The following LINGO2 variants were observed in gnomAD, a reference collection of about 807,000 sequenced individuals.
LINGO2 encodes leucine-rich repeat and immunoglobulin-like domain-containing nogo receptor-interacting protein 2.
A neutral mutation model predicts 30.6 loss-of-function variants in LINGO2; 14 were observed. The observed-to-expected ratio is 0.46, with a 90% CI of 0.30 to 0.72. The LOEUF (loss-of-function observed/expected upper bound fraction) is 0.72. LINGO2 is among the 30% of genes least tolerant of loss of function. The pLI is 0.07. For synonymous variants in LINGO2, 317 were observed against 288.5 expected, an observed-to-expected ratio of 1.10 and a Z score of -1.00; for missense variants, 729 against 751.7, an observed-to-expected ratio of 0.97 and a Z score of 0.35.
intron 4 of LINGO2, among the ~76,000 whole-genome samples, chr9:28,097,849 AAAAAT>A (rs910832400): frequency 1.5e-5 from 2 of 130,354 alleles, no homozygotes; most frequent in African/African-American, 5.8e-5. Flanking sequence ...AATGAAATAA[AAAAAT>A]AAAAGATACA....
chr9:28,287,507 C>A (rs78323743), intron 4 of LINGO2, among the ~76,000 whole-genome samples: 2 of 152,082 alleles, frequency 1.3e-5, no homozygotes, highest in African/African-American at 2.4e-5. Context: ...ATACATTCAG[C>A]AGAATTACTT....
At chr9:28,996,169 G>C in the LINGO2 span, among the ~76,000 whole-genome samples, 5 of 150,924 alleles carry the variant, frequency 3.3e-5, no homozygotes, top group Non-Finnish European at 7.4e-5. Flanking sequence ...CAAACTGTTC[G>C]GCCATCTAAG....
At chr9:28,107,857 A>G (rs1300689357) in intron 4 of LINGO2, among the ~76,000 whole-genome samples, 1 of 152,132 alleles carries the variant, frequency 6.6e-6, no homozygotes, top group East Asian at 1.9e-4. Context: ...GTAAGTCATC[A>G]AAGTCTAAAA....
At chr9:28,955,273 A>T in the LINGO2 span, among the ~76,000 whole-genome samples, 1 of 152,154 alleles carries the variant, frequency 6.6e-6, no homozygotes, top group South Asian at 2.1e-4. Flanking sequence ...AAGGAGACAG[A>T]GAATAAGTAT....
At chr9:29,212,314 T>G in the LINGO2 span, among the ~76,000 whole-genome samples, 1 of 151,770 alleles carries the variant, frequency 6.6e-6, no homozygotes, top group East Asian at 2.0e-4. Flanking sequence ...CGCCGCCTCC[T>G]GGCGCCCCCA....
chr9:28,494,407 C>A (rs1819508138), intron 1 of LINGO2, among the ~76,000 whole-genome samples: 3 of 152,044 alleles, frequency 2.0e-5, no homozygotes, highest in Admixed American at 6.5e-5. Flanking sequence ...GTGATGTTCC[C>A]CTTCCTGTGT....
the LINGO2 span, among the ~76,000 whole-genome samples, chr9:28,795,992 A>G: frequency 1.4e-5 from 2 of 141,522 alleles, no homozygotes. Flanking sequence ...ATACACACAC[A>G]CACACACACA....
At chr9:28,571,845 T>C (rs753152621) in intron 1 of LINGO2, among the ~76,000 whole-genome samples, 4 of 152,036 alleles carry the variant, frequency 2.6e-5, no homozygotes, top group Non-Finnish European at 4.4e-5. Flanking sequence ...ACCAGAAAAT[T>C]AGCTATTACT....
the LINGO2 span, among the ~76,000 whole-genome samples, chr9:29,090,190 A>C: frequency 6.6e-6 from 1 of 152,164 alleles, no homozygotes; most frequent in East Asian, 1.9e-4. Context: ...CCCTGCTTGC[A>C]TGCATCACAA....
intron 4 of LINGO2, among the ~76,000 whole-genome samples, chr9:28,227,785 T>G (rs998779336): frequency 6.6e-6 from 1 of 152,062 alleles, no homozygotes; most frequent in Non-Finnish European, 1.5e-5. Context: ...GTGAGCAATA[T>G]GAATGCCTAG....
chr9:28,993,504 T>A, the LINGO2 span, among the ~76,000 whole-genome samples: 3 of 152,078 alleles, frequency 2.0e-5, no homozygotes, highest in Non-Finnish European at 2.9e-5. Context: ...GAATCCTCCC[T>A]AACTCATTTT....
intron 1 of LINGO2, among the ~76,000 whole-genome samples, chr9:28,486,644 C>T (rs1348532559): frequency 6.6e-6 from 1 of 151,950 alleles, no homozygotes; most frequent in East Asian, 1.9e-4. Context: ...GTACAGGAGA[C>T]ATCTAGTTCT....
rs568267461 is a variant in LINGO2 at position 28,345,778 on chromosome 9, G to A, written c.-246+27058C>T. Among the ~76,000 whole-genome samples the A allele has an allele frequency of 5.3e-5, 8 of 152,262 alleles. No individual in the cohort carries two copies. The South Asian group carries it at 1.7e-3, about 32-fold the overall frequency. The stretch of plus-strand genomic sequence containing the variant: ...ACACGTGGCTCATTATGTATAAAAT[G>A]TTAATGCTTCTATGACTCTTGAGAC... On this transcript the variant is annotated intron_variant, in intron 3 of 5. Coordinates refer to ENST00000379992, the Ensembl canonical transcript of LINGO2.
intron 2 of LINGO2, among the ~76,000 whole-genome samples, chr9:28,448,840 A>T (rs1824531542): frequency 1.3e-5 from 2 of 151,798 alleles, no homozygotes; most frequent in African/African-American, 4.8e-5. Flanking sequence ...CACAATACCT[A>T]GGGTAAGTTT....
At chr9:28,406,098 C>T (rs1200068945) in intron 2 of LINGO2, among the ~76,000 whole-genome samples, 7 of 152,134 alleles carry the variant, frequency 4.6e-5, no homozygotes, top group African/African-American at 1.2e-4. Flanking sequence ...CTTGACATAT[C>T]GTTGTTCATT....
chr9:28,539,101 T>A (rs952060154), intron 1 of LINGO2, among the ~76,000 whole-genome samples: 2 of 152,046 alleles, frequency 1.3e-5, no homozygotes, highest in African/African-American at 4.8e-5. Flanking sequence ...TAAAAGATAT[T>A]CTTTCAGTAA....
chr9:29,173,246 T>C, the LINGO2 span, among the ~76,000 whole-genome samples: 1 of 152,112 alleles, frequency 6.6e-6, no homozygotes, highest in Non-Finnish European at 1.5e-5. Flanking sequence ...TTGACATTTC[T>C]GGAAATAAAG....
intron 2 of LINGO2, among the ~76,000 whole-genome samples, chr9:28,420,832 CT>C (rs1162857958): frequency 6.6e-6 from 1 of 152,014 alleles, no homozygotes; most frequent in Non-Finnish European, 1.5e-5. Context: ...CTTGGAATAC[CT>C]TTTTCTGTAT....
the LINGO2 span, among the ~76,000 whole-genome samples, chr9:28,748,915 A>AT: frequency 6.6e-6 from 1 of 152,148 alleles, no homozygotes; most frequent in East Asian, 1.9e-4. Flanking sequence ...GTAGTTGTAA[A>AT]TTTTGTATGA....
Sources: allele counts gnomAD v4.1 joint callset (sites outside exome capture counted in the v4.1 genomes callset), GRCh38; gene constraint gnomAD v4.1.1; transcripts MANE v1.5; gene names NCBI Gene and HGNC (gene_info 2026-07-23, HGNC 2026-07-21).